Variants in ZBTB7C observed in about 807,000 individuals in gnomAD.
ZBTB7C encodes zinc finger and BTB domain containing 7C.
A neutral mutation model predicts 25.7 loss-of-function variants in ZBTB7C; 8 were observed. That is an observed-to-expected ratio of 0.31 (90% CI 0.18 to 0.56). ZBTB7C has a LOEUF of 0.56. Ranked by LOEUF, ZBTB7C falls within the 20% of genes least tolerant of loss-of-function variation. The probability of loss-of-function intolerance (pLI) is 0.91; values close to 1 mark genes in which losing one functional copy is unlikely to be tolerated. For synonymous variants in ZBTB7C, 394 were observed against 369.0 expected, an observed-to-expected ratio of 1.07 and a Z score of -0.78; for missense variants, 824 against 855.2, an observed-to-expected ratio of 0.96 and a Z score of 0.46.
rs1315538837 is a variant in ZBTB7C, at chr18:48,389,236, CGTG to C, written c.-304+19987_-304+19989del. 3.6e-3 allele frequency among the ~76,000 whole-genome samples: 226 copies of C among 62,188 alleles called. 1 individual carries two copies. Among genetic ancestry groups the C allele is most frequent in the African/African-American group, 8.8e-3 (125 of 14,242 alleles). 40.8% of individuals were successfully genotyped at this position (62,188 alleles called of 152,430 possible). A position where few individuals can be genotyped will look rare whatever the true frequency, so the allele number is the denominator to read the frequency against. On this transcript the variant is annotated intron_variant, in intron 1 of 4. Transcript: ENST00000590800. ...TCTCTCTCTCTCTCTCTCTCTCTCT[CGTG>C]TGTGTGTGTGTGTGTGTGTGTGTGT...
chr18:48,151,194 T>A (rs973655099), intron 3 of ZBTB7C, among the ~76,000 whole-genome samples: 3 of 152,198 alleles, frequency 2.0e-5, no homozygotes, highest in African/African-American at 7.2e-5. Flanking sequence ...GGATTGCATC[T>A]GAAGCATGTT....
At chr18:48,053,703 A>C (rs1197274903) in intron 3 of ZBTB7C, among the ~76,000 whole-genome samples, 2 of 152,202 alleles carry the variant, frequency 1.3e-5, no homozygotes, top group Admixed American at 6.5e-5. Flanking sequence ...GTATTTACCC[A>C]TTTAGCTAAG....
intron 1 of ZBTB7C, among the ~76,000 whole-genome samples, chr18:48,351,585 G>A (rs978780201): frequency 9.2e-5 from 14 of 152,192 alleles, no homozygotes; most frequent in Admixed American, 5.2e-4. Context: ...CAGCTGCACC[G>A]TGTTAAGAAA....
At chr18:48,370,184 T>C (rs1423324416) in intron 1 of ZBTB7C, among the ~76,000 whole-genome samples, 1 of 151,942 alleles carries the variant, frequency 6.6e-6, no homozygotes, top group African/African-American at 2.4e-5. Flanking sequence ...CTTCAACAAG[T>C]GAATGGTTAA....
intron 1 of ZBTB7C, among the ~76,000 whole-genome samples, chr18:48,360,162 A>C (rs1468042647): frequency 6.6e-6 from 1 of 152,246 alleles, no homozygotes; most frequent in Non-Finnish European, 1.5e-5. Flanking sequence ...ATTTGCAAGC[A>C]CTGGAATACT....
At chr18:48,275,515 G>T (rs905837696) in intron 2 of ZBTB7C, among the ~76,000 whole-genome samples, 1 of 152,126 alleles carries the variant, frequency 6.6e-6, no homozygotes, top group Admixed American at 6.6e-5. Context: ...CCAGATCCCC[G>T]ACTGAGAGAT....
chr18:48,054,050 T>A (rs1014346233), intron 3 of ZBTB7C, among the ~76,000 whole-genome samples: 1 of 152,142 alleles, frequency 6.6e-6, no homozygotes, highest in Non-Finnish European at 1.5e-5. Context: ...GTTCAAAGAT[T>A]TAAGTTCAAC....
chr18:48,041,135 C>G lies in ZBTB7C; in HGVS notation c.-16-12G>C. 1 of 1,567,784 alleles carries G rather than the reference C, an allele frequency of 6.4e-7. No individual in the cohort carries two copies. The highest frequency in any genetic ancestry group is 1.3e-5 in the African/African-American group (1 of 74,338). ...TCTCAGCCAGAGCCCTGCAGAGACA[C>G]ACAGAGAAGAAGACTGGGTTAGTGA... On this transcript the variant is annotated splice_polypyrimidine_tract_variant and intron_variant, in intron 3 of 4. Transcript: ENST00000590800.
At chr18:48,290,953 A>G (rs1348068983) in intron 2 of ZBTB7C, among the ~76,000 whole-genome samples, 1 of 152,216 alleles carries the variant, frequency 6.6e-6, no homozygotes, top group Non-Finnish European at 1.5e-5. Flanking sequence ...TGGAAAGAAC[A>G]TTCTCTAGGC....
chr18:48,217,540 C>CCCTAGCAAAGA (rs1283671797), intron 2 of ZBTB7C, among the ~76,000 whole-genome samples: 2 of 152,140 alleles, frequency 1.3e-5, no homozygotes, highest in African/African-American at 4.8e-5. Context: ...AGCCAGCCAC[C>CCCTAGCAAAGA]CTGAAGTCTT....
chr18:48,065,037 C>T (rs554099720), intron 3 of ZBTB7C, among the ~76,000 whole-genome samples: 1 of 152,248 alleles, frequency 6.6e-6, no homozygotes, highest in South Asian at 2.1e-4. Flanking sequence ...TGGGAGAGGC[C>T]CTGTGGGGAG....
chr18:48,054,061 G>C (rs970526427), intron 3 of ZBTB7C, among the ~76,000 whole-genome samples: 2 of 152,218 alleles, frequency 1.3e-5, no homozygotes, highest in Non-Finnish European at 2.9e-5. Flanking sequence ...TAAGTTCAAC[G>C]AATTTAGAGA....
intron 2 of ZBTB7C, among the ~76,000 whole-genome samples, chr18:48,280,556 C>A (rs915191747): frequency 6.6e-6 from 1 of 152,172 alleles, no homozygotes; most frequent in Non-Finnish European, 1.5e-5. Context: ...AGAGGAACCC[C>A]TAAATCCCTG....
At chr18:48,041,465 C>G in intron 3 of ZBTB7C, 1 of 985,420 alleles carries the variant, frequency 1.0e-6, no homozygotes. Context: ...GATGAAAAGC[C>G]TCATGAACCT....
chr18:48,080,430 C>T (rs547108495), intron 3 of ZBTB7C, among the ~76,000 whole-genome samples: 4 of 152,242 alleles, frequency 2.6e-5, no homozygotes, highest in South Asian at 2.1e-4. Context: ...CTCATTAAGG[C>T]GAAGCTAAGA....
intron 1 of ZBTB7C, among the ~76,000 whole-genome samples, chr18:48,402,652 C>G (rs188553392): frequency 6.6e-6 from 1 of 152,144 alleles, no homozygotes; most frequent in Non-Finnish European, 1.5e-5. Flanking sequence ...GAGAAAGGAA[C>G]CTTTCTGTTT....
At chr18:48,261,769 C>T (rs2044178853) in intron 2 of ZBTB7C, among the ~76,000 whole-genome samples, 1 of 152,226 alleles carries the variant, frequency 6.6e-6, no homozygotes, top group African/African-American at 2.4e-5. Flanking sequence ...CTGTGGGCTC[C>T]CCAAATACCC....
chr18:48,221,514 T>C (rs1259225280), intron 2 of ZBTB7C, among the ~76,000 whole-genome samples: 1 of 147,524 alleles, frequency 6.8e-6, no homozygotes, highest in African/African-American at 2.6e-5. Flanking sequence ...TGTCCTTGTC[T>C]CCTCTATTCT....
At chr18:48,277,870 C>T (rs6507835) in intron 2 of ZBTB7C, among the ~76,000 whole-genome samples, 131,319 of 151,600 alleles carry the variant, frequency 0.87, 57,128 homozygotes, top group Non-Finnish European at 0.91. Context: ...CCTTCCTTTG[C>T]GCCAGATAGC....
Sources: allele counts gnomAD v4.1 joint callset (sites outside exome capture counted in the v4.1 genomes callset), GRCh38; gene constraint gnomAD v4.1.1; transcripts MANE v1.5; gene names NCBI Gene and HGNC (gene_info 2026-07-23, HGNC 2026-07-21).